Variants in POU6F2 observed in about 807,000 individuals in gnomAD.
POU6F2 encodes POU class 6 homeobox 2, also known as POU domain, class 6, transcription factor 2.
In POU6F2, 31 loss-of-function variants were observed where a neutral mutation model predicts 71.3. The ratio of observed to expected loss-of-function variants is 0.43; its 90% CI spans 0.33 to 0.59. The LOEUF is 0.59. Ranked by LOEUF, POU6F2 falls within the 20% of genes least tolerant of loss-of-function variation. The pLI is 0.04. For missense variants in POU6F2, 783 were observed against 856.8 expected, an observed-to-expected ratio of 0.91 and a Z score of 1.07; for synonymous variants, 347 against 355.7, an observed-to-expected ratio of 0.98 and a Z score of 0.27.
intron 4 of POU6F2, among the ~76,000 whole-genome samples, chr7:39,335,284 G>A (rs1785746873): frequency 6.6e-6 from 1 of 152,038 alleles, no homozygotes; most frequent in Non-Finnish European, 1.5e-5. Context: ...ACTCAAATTA[G>A]CATCTTTATC....
chr7:39,086,030 C>T lies in POU6F2; in HGVS notation c.276C>T (p.Phe92=), dbSNP rs530262963. 377 of 1,613,324 alleles carry T rather than the reference C, an allele frequency of 2.3e-4. 5 individuals are homozygous for T. The South Asian group carries it at 3.7e-3, about 16-fold the overall frequency. ...GCGAGGACACTCCCAGCAAGCTCTT[C>T]GGTAAGTCTGTCTAGGTATTTCATT... The part of the protein sequence containing the change: ...NDSEDTPSKL[F]GARGNPALSD... The change falls in exon 2 of 10, where the codon TTC becomes TTT. Residue 92 remains phenylalanine, a splice_region_variant and synonymous_variant. Transcript: ENST00000518318.
At chr7:39,129,271 A>G (rs4723826) in intron 2 of POU6F2, among the ~76,000 whole-genome samples, 130,084 of 152,180 alleles carry the variant, frequency 0.85, 56,135 homozygotes, top group East Asian at 1. Context: ...CAAGCTTCAT[A>G]AGAATAGAAA....
chr7:39,367,151 A>G (rs562296216), intron 5 of POU6F2, among the ~76,000 whole-genome samples: 92 of 152,306 alleles, frequency 6.0e-4, no homozygotes, highest in Non-Finnish European at 1.1e-3. Flanking sequence ...TGATGAATTA[A>G]TCTTCATTAA....
At chr7:39,233,346 T>C (rs1794612480) in intron 4 of POU6F2, among the ~76,000 whole-genome samples, 1 of 152,220 alleles carries the variant, frequency 6.6e-6, no homozygotes, top group South Asian at 2.1e-4. Context: ...AGTCTGAATT[T>C]AGCATTTGGC....
intron 6 of POU6F2, among the ~76,000 whole-genome samples, chr7:39,422,190 T>A (rs1787864712): frequency 6.6e-6 from 1 of 152,254 alleles, no homozygotes; most frequent in African/African-American, 2.4e-5. Flanking sequence ...AATGTGTCTT[T>A]GTTTTCTAGT....
chr7:38,981,265 C>T (rs953113578), intron 1 of POU6F2, among the ~76,000 whole-genome samples: 1 of 151,996 alleles, frequency 6.6e-6, no homozygotes, highest in Non-Finnish European at 1.5e-5. Context: ...ATGTTTAGTG[C>T]TTCGTTTCTT....
chr7:39,012,478 C>A (rs1050935620), intron 1 of POU6F2, among the ~76,000 whole-genome samples: 7 of 149,776 alleles, frequency 4.7e-5, no homozygotes, highest in African/African-American at 1.7e-4. Flanking sequence ...AATGTCCTCC[C>A]GTAGCTCAGA....
chr7:39,259,671 T>C (rs999860023), intron 4 of POU6F2, among the ~76,000 whole-genome samples: 4 of 152,088 alleles, frequency 2.6e-5, no homozygotes, highest in Non-Finnish European at 5.9e-5. Flanking sequence ...AAGAGCACAC[T>C]TGTGTATGCA....
At chr7:39,030,541 T>TATATATATATAC (rs1789917351) in intron 1 of POU6F2, among the ~76,000 whole-genome samples, 1 of 125,766 alleles carries the variant, frequency 8.0e-6, no homozygotes, top group Non-Finnish European at 1.7e-5. Flanking sequence ...TATATATATA[T>TATATATATATAC]ATACACACAC....
chr7:39,247,890 T>G, intron 4 of POU6F2, among the ~76,000 whole-genome samples: 1 of 152,222 alleles, frequency 6.6e-6, no homozygotes, highest in Non-Finnish European at 1.5e-5. Context: ...TTTCTTAGCA[T>G]CTCTACAATC....
At chr7:39,258,425 A>G (rs150460880) in intron 4 of POU6F2, among the ~76,000 whole-genome samples, 68 of 152,290 alleles carry the variant, frequency 4.5e-4, no homozygotes, top group African/African-American at 1.6e-3. Flanking sequence ...TGTGTGTCAC[A>G]TTATTCTGTC....
At chr7:39,458,961 C>T (rs1309966521) in intron 8 of POU6F2, among the ~76,000 whole-genome samples, 6 of 152,180 alleles carry the variant, frequency 3.9e-5, no homozygotes, top group African/African-American at 1.4e-4. Context: ...TCTCCTGTCT[C>T]TGCACACCCG....
chr7:39,073,376 TAAA>T (rs35194991), intron 1 of POU6F2, among the ~76,000 whole-genome samples: 6,587 of 133,174 alleles, frequency 0.049, 216 homozygotes, highest in Non-Finnish European at 0.071. Context: ...GAGAACCTAT[TAAA>T]AAAAAAAAAA....
intron 4 of POU6F2, among the ~76,000 whole-genome samples, chr7:39,278,339 T>C (rs955628061): frequency 6.6e-6 from 1 of 152,078 alleles, no homozygotes; most frequent in African/African-American, 2.4e-5. Context: ...TTGAGCCTGT[T>C]TATGGTCACC....
At chr7:39,101,712 A>ACT (rs1791577764) in intron 2 of POU6F2, among the ~76,000 whole-genome samples, 1 of 152,176 alleles carries the variant, frequency 6.6e-6, no homozygotes, top group South Asian at 2.1e-4. Flanking sequence ...TTCTCAAAAG[A>ACT]GTATATTTTA....
intron 6 of POU6F2, among the ~76,000 whole-genome samples, chr7:39,423,403 T>G (rs575159097): frequency 6.6e-6 from 1 of 151,972 alleles, no homozygotes; most frequent in Non-Finnish European, 1.5e-5. Context: ...TCTTCTATAG[T>G]GGGAACTAAT....
chr7:39,001,760 G>A (rs1244085938), intron 1 of POU6F2, among the ~76,000 whole-genome samples: 1 of 152,012 alleles, frequency 6.6e-6, no homozygotes, highest in Non-Finnish European at 1.5e-5. Flanking sequence ...TGGTGATGGT[G>A]GTTATGTGAT....
intron 6 of POU6F2, among the ~76,000 whole-genome samples, chr7:39,413,990 G>C (rs907182825): frequency 2.0e-5 from 3 of 152,158 alleles, no homozygotes; most frequent in Non-Finnish European, 2.9e-5. Flanking sequence ...GCCGGGCAGC[G>C]CCGCGCAGCC....
chr7:39,372,190 G>C (rs958249367), intron 5 of POU6F2, among the ~76,000 whole-genome samples: 11 of 152,146 alleles, frequency 7.2e-5, no homozygotes, highest in Admixed American at 5.2e-4. Context: ...CAAAGTGCTA[G>C]AATTACAGGC....
Sources: allele counts gnomAD v4.1 joint callset (sites outside exome capture counted in the v4.1 genomes callset), GRCh38; gene constraint gnomAD v4.1.1; transcripts MANE v1.5; gene names NCBI Gene and HGNC (gene_info 2026-07-23, HGNC 2026-07-21).